The following PHACTR1 variants were observed in gnomAD, a reference collection of about 807,000 sequenced individuals.
The protein encoded by PHACTR1 is phosphatase and actin regulator 1, also known as RPEL repeat containing 1.
In PHACTR1, 16 loss-of-function variants were observed where a neutral mutation model predicts 69.2. The observed-to-expected ratio is 0.23, with a 90% CI of 0.16 to 0.35. PHACTR1 has a LOEUF of 0.35. Ranked by LOEUF, PHACTR1 falls within the 10% of genes least tolerant of loss-of-function variation. PHACTR1 has a pLI of 1.00. For synonymous variants in PHACTR1, 312 were observed against 284.5 expected (o/e 1.10, Z -0.97); for missense variants, 510 against 734.7 (o/e 0.69, Z 3.54).
At chr6:12,954,026 T>A (rs1423722270) in intron 4 of PHACTR1, among the ~76,000 whole-genome samples, 1 of 152,154 alleles carries the variant, frequency 6.6e-6, no homozygotes, top group Non-Finnish European at 1.5e-5. Flanking sequence ...AACTGTTAAT[T>A]TTGACTACAA....
chr6:13,191,775 C>T (rs1763634605), intron 7 of PHACTR1, among the ~76,000 whole-genome samples: 1 of 152,166 alleles, frequency 6.6e-6, no homozygotes, highest in African/African-American at 2.4e-5. Context: ...GATGTCAAAA[C>T]TCATACAAAA....
intron 5 of PHACTR1, among the ~76,000 whole-genome samples, chr6:13,118,789 A>G (rs796782436): frequency 2.4e-4 from 36 of 152,036 alleles, no homozygotes; most frequent in African/African-American, 8.7e-4. Flanking sequence ...GGCCCTTTCT[A>G]AGAAGGGCAG....
chr6:13,151,615 G>C (rs1321077089), intron 5 of PHACTR1, among the ~76,000 whole-genome samples: 1 of 152,216 alleles, frequency 6.6e-6, no homozygotes, highest in Non-Finnish European at 1.5e-5. Context: ...TACATCCCAT[G>C]AAATGGCATG....
chr6:12,877,405 A>G (rs1359184587), intron 4 of PHACTR1, among the ~76,000 whole-genome samples: 1 of 152,184 alleles, frequency 6.6e-6, no homozygotes, highest in Non-Finnish European at 1.5e-5. Flanking sequence ...TTTTGAGATA[A>G]TGCCTCTCCT....
At position 12,828,740 on chromosome 6, in the gene PHACTR1, G is replaced by A. The variant is rs576731966; in HGVS notation, c.250+78950G>A. 2.1e-4 allele frequency among the ~76,000 whole-genome samples: 32 copies of A among 149,876 alleles called. 1 individual carries two copies. In the East Asian group the frequency reaches 6.3e-3, roughly 29 times the overall value. On this transcript the variant is annotated intron_variant, in intron 4 of 14. Coordinates refer to ENST00000332995, the MANE Select transcript of PHACTR1 (RefSeq NM_030948.6). ...AAACCGACCAAAAAATTATTTTTGG[G>A]GAAAAATAATGCTTCGTTGTAAAAA... is the stretch of plus-strand genomic sequence containing the variant.
At chr6:13,056,304 GT>G (rs1487305722) in intron 5 of PHACTR1, among the ~76,000 whole-genome samples, 1 of 152,188 alleles carries the variant, frequency 6.6e-6, no homozygotes, top group East Asian at 1.9e-4. Context: ...GGAAGCTGAG[GT>G]GAGAGGATTG....
At chr6:12,933,961 A>G (rs1486698507) in intron 4 of PHACTR1, 11 of 1,575,820 alleles carry the variant, frequency 7.0e-6, no homozygotes, top group African/African-American at 1.3e-5. Context: ...CATTTCCTAG[A>G]GTTGCTGTAA....
At chr6:12,762,662 C>T (rs1037351476) in intron 4 of PHACTR1, among the ~76,000 whole-genome samples, 26 of 152,280 alleles carry the variant, frequency 1.7e-4, no homozygotes, top group African/African-American at 6.3e-4. Flanking sequence ...TACCACTCTA[C>T]CCTCACCTCA....
chr6:13,011,633 T>TA (rs1174106447), intron 4 of PHACTR1, among the ~76,000 whole-genome samples: 1 of 152,212 alleles, frequency 6.6e-6, no homozygotes, highest in Non-Finnish European at 1.5e-5. Context: ...GCTTCAGTCT[T>TA]AGTTGCTTTA....
chr6:12,749,800 C>G lies in PHACTR1; in HGVS notation c.250+10C>G. 6.3e-7 allele frequency: 1 copy of G among 1,579,728 alleles called. No homozygotes were observed. Among genetic ancestry groups the G allele is most frequent in the Non-Finnish European group, 8.6e-7 (1 of 1,163,576 alleles). On this transcript the variant is annotated intron_variant, in intron 4 of 14. Coordinates refer to ENST00000332995, the MANE Select transcript of PHACTR1 (RefSeq NM_030948.6). Reference sequence around the variant, plus strand: ...TTTAACCTGGGGGCAGGTAAGAACGCCCCTGGCGCCGCGCCCCCGCCCCCG... The same window carrying G: ...TTTAACCTGGGGGCAGGTAAGAACGGCCCTGGCGCCGCGCCCCCGCCCCCG...
chr6:13,217,990 G>C (rs965073635), intron 8 of PHACTR1, among the ~76,000 whole-genome samples: 1 of 152,186 alleles, frequency 6.6e-6, no homozygotes, highest in South Asian at 2.1e-4. Context: ...TACAAAAGCT[G>C]TTCCTGTTGA....
At chr6:13,256,341 C>A (rs1224200593) in intron 10 of PHACTR1, among the ~76,000 whole-genome samples, 4 of 152,262 alleles carry the variant, frequency 2.6e-5, no homozygotes, top group African/African-American at 9.6e-5. Context: ...CTGTGAAGGT[C>A]TCTGAAGTGG....
chr6:12,875,759 T>C (rs1304997396), intron 4 of PHACTR1, among the ~76,000 whole-genome samples: 1 of 152,242 alleles, frequency 6.6e-6, no homozygotes, highest in Non-Finnish European at 1.5e-5. Flanking sequence ...TAGATAAACC[T>C]GGCTTGTGTT....
chr6:13,070,255 C>G (rs1809297350), intron 5 of PHACTR1, among the ~76,000 whole-genome samples: 1 of 152,126 alleles, frequency 6.6e-6, no homozygotes, highest in South Asian at 2.1e-4. Flanking sequence ...TGGGTTTCCC[C>G]AGAATTCTTT....
intron 4 of PHACTR1, among the ~76,000 whole-genome samples, chr6:12,869,618 T>C (rs1781822627): frequency 6.6e-6 from 1 of 152,146 alleles, no homozygotes; most frequent in Non-Finnish European, 1.5e-5. Context: ...TGCAAACCAG[T>C]CCTCCTCCTT....
chr6:12,804,643 G>A (rs13196135), intron 4 of PHACTR1, among the ~76,000 whole-genome samples: 42,684 of 151,856 alleles, frequency 0.28, 6,590 homozygotes, highest in Middle Eastern at 0.44. Context: ...GCAACATGGC[G>A]AAACCCTGTC....
intron 4 of PHACTR1, among the ~76,000 whole-genome samples, chr6:12,798,695 G>A (rs1773364962): frequency 6.6e-6 from 1 of 152,196 alleles, no homozygotes; most frequent in African/African-American, 2.4e-5. Flanking sequence ...TCGCTGAAGA[G>A]GTCAGGGTAT....
intron 10 of PHACTR1, among the ~76,000 whole-genome samples, chr6:13,259,879 G>A (rs555554204): frequency 2.6e-5 from 4 of 152,330 alleles, no homozygotes; most frequent in African/African-American, 7.2e-5. Context: ...GGGAAGAGCT[G>A]GGCGTGCGGA....
intron 4 of PHACTR1, among the ~76,000 whole-genome samples, chr6:12,908,429 C>T (rs1785991798): frequency 2.0e-5 from 3 of 151,870 alleles, no homozygotes; most frequent in South Asian, 4.2e-4. Context: ...CTGTCCCTAA[C>T]GCATTCACAG....
Sources: allele counts gnomAD v4.1 joint callset (sites outside exome capture counted in the v4.1 genomes callset), GRCh38; gene constraint gnomAD v4.1.1; transcripts MANE v1.5; gene names NCBI Gene and HGNC (gene_info 2026-07-23, HGNC 2026-07-21).